BLNK: variants seen among roughly 807,000 people sequenced by gnomAD.
The protein encoded by BLNK is B cell linker.
A neutral mutation model predicts 73.5 loss-of-function variants in BLNK; 29 were observed. That is an observed-to-expected ratio of 0.39 (90% confidence interval 0.29 to 0.54). BLNK has a LOEUF of 0.54. Among genes scored for constraint, BLNK ranks in the 20% least tolerant of loss-of-function variants. The pLI is 0.61. For synonymous variants in BLNK, 176 were observed against 200.8 expected, an observed-to-expected ratio of 0.88 and a Z score of 1.04; for missense variants, 460 against 562.8, an observed-to-expected ratio of 0.82 and a Z score of 1.85.
chr10:96,234,276 G>T (rs1842618081), intron 3 of BLNK, among the ~76,000 whole-genome samples: 1 of 152,196 alleles, frequency 6.6e-6, no homozygotes, highest in Non-Finnish European at 1.5e-5. Context: ...GATAGAGGTT[G>T]TTTGTTGGTG....
At chr10:96,240,009 C>T (rs17111506) in intron 3 of BLNK, among the ~76,000 whole-genome samples, 8,399 of 152,118 alleles carry the variant, frequency 0.055, 788 homozygotes, top group African/African-American at 0.19. Flanking sequence ...CATTTGTCCC[C>T]GAATCCTCAA....
chr10:96,246,415 G>A (rs1843046404), intron 2 of BLNK, among the ~76,000 whole-genome samples: 1 of 152,192 alleles, frequency 6.6e-6, no homozygotes, highest in Non-Finnish European at 1.5e-5. Flanking sequence ...AGCCAGGTAT[G>A]CTGGCACGTG....
chr10:96,258,586 C>A (rs1386407966), intron 1 of BLNK, among the ~76,000 whole-genome samples: 1 of 152,130 alleles, frequency 6.6e-6, no homozygotes, highest in African/African-American at 2.4e-5. Context: ...AAGGCTTGAG[C>A]CCCCTGCTAG....
In BLNK at chr10:96,200,046, AAAATAAT is replaced by A; in HGVS notation, c.1095+22_1095+28del. ...CAAATAAATAAAATAAAATAAAATA[AAAATAAT>A]AAATAATAAAAATGATCAGACCTTG... On this transcript the variant is annotated intron_variant, in intron 15 of 16. Coordinates refer to ENST00000224337, the MANE Select transcript of BLNK (RefSeq NM_013314.4). This position sits in a 1 kb window ranked among gnomAD's most constrained non-coding sequence, Gnocchi z 4.3. 2.2e-6 allele frequency: 3 copies of A among 1,357,994 alleles called. No homozygotes were observed. The highest frequency in any genetic ancestry group is 2.9e-6 in the Non-Finnish European group (3 of 1,038,436). The allele number at this position is 1,357,994 out of a possible 1,614,324, so 84.1% of individuals were successfully genotyped here. A position where few individuals can be genotyped will look rare whatever the true frequency, so the allele number is the denominator to read the frequency against.
At chr10:96,228,227 G>A (rs973538838) in intron 4 of BLNK, among the ~76,000 whole-genome samples, 1 of 151,944 alleles carries the variant, frequency 6.6e-6, no homozygotes, top group Non-Finnish European at 1.5e-5. Flanking sequence ...AGTCTCCCAA[G>A]TAGCTGGGAT....
At chr10:96,196,275 C>G (rs973500233) in intron 16 of BLNK, among the ~76,000 whole-genome samples, 6 of 152,172 alleles carry the variant, frequency 3.9e-5, no homozygotes, top group African/African-American at 1.4e-4. Context: ...CATTTCTAGA[C>G]CATTCATGGG....
chr10:96,204,799 AC>A, intron 11 of BLNK, 183 bp from the exon 12 acceptor site: 1 of 608,706 alleles, frequency 1.6e-6, no homozygotes, highest in Non-Finnish European at 3.0e-6. Flanking sequence ...TGCTATGAGG[AC>A]CAGGACTCCC....
chr10:96,227,417 C>T lies in BLNK; in HGVS notation c.354G>A (p.Glu118=). The change falls in exon 5 of 17, where the codon GAG becomes GAA. Residue 118 remains glutamate, a synonymous_variant. Transcript: ENST00000224337. ...VHPALPFARG[E]YIDNRSSQRH... is the part of the protein sequence containing the mutation. The stretch of plus-strand genomic sequence containing the variant: ...GTCTGCGGGGGACCTCACCTATATA[C>T]TCGCCTCTGGCGAAGGGCAGGGCTG... The T allele has an allele frequency of 6.2e-7, 1 of 1,613,930 alleles. No individual in the cohort carries two copies. Among genetic ancestry groups the T allele is most frequent in the Non-Finnish European group, 8.5e-7 (1 of 1,180,040 alleles).
At chr10:96,201,712 A>C (rs1212908503) in intron 13 of BLNK, among the ~76,000 whole-genome samples, 1 of 115,698 alleles carries the variant, frequency 8.6e-6, no homozygotes, top group Admixed American at 8.1e-5. Flanking sequence ...ATGTGGAAAC[A>C]TGTGAAATAC....
chr10:96,255,491 T>A (rs1319213254), intron 1 of BLNK, among the ~76,000 whole-genome samples: 1 of 130,614 alleles, frequency 7.7e-6, no homozygotes, highest in Non-Finnish European at 1.6e-5. Flanking sequence ...GGTTTCAGGA[T>A]TTTTTTTTTT....
At chr10:96,247,170 G>T in intron 1 of BLNK, 121 bp from the exon 2 acceptor site, 2 of 656,368 alleles carry the variant, frequency 3.0e-6, no homozygotes, top group Non-Finnish European at 2.6e-6. Context: ...CCTCCAAATA[G>T]GATGAATTAT....
At chr10:96,250,446 A>AAG (rs56871307) in intron 1 of BLNK, among the ~76,000 whole-genome samples, 4,062 of 136,510 alleles carry the variant, frequency 0.03, 72 homozygotes, top group Non-Finnish European at 0.045. Flanking sequence ...GGAAGAGAGA[A>AAG]AGAGAGAGAG....
intron 2 of BLNK, among the ~76,000 whole-genome samples, chr10:96,244,726 G>A (rs1392606049): frequency 6.6e-6 from 1 of 152,144 alleles, no homozygotes; most frequent in Non-Finnish European, 1.5e-5. Context: ...AAGAAACATG[G>A]TTTGTCATGT....
intron 7 of BLNK, among the ~76,000 whole-genome samples, chr10:96,215,678 A>T (rs934280298): frequency 1.1e-4 from 16 of 152,138 alleles, no homozygotes; most frequent in African/African-American, 3.4e-4. Context: ...TTTGAATTTC[A>T]TTTGCCAAGT....
chr10:96,237,136 C>T (rs1554905231), intron 3 of BLNK, among the ~76,000 whole-genome samples: 1 of 152,152 alleles, frequency 6.6e-6, no homozygotes, highest in African/African-American at 2.4e-5. Flanking sequence ...TATAGCTCTC[C>T]CATGTCAGCG....
chr10:96,260,179 CAA>C (rs1843692523), intron 1 of BLNK, among the ~76,000 whole-genome samples: 1 of 152,058 alleles, frequency 6.6e-6, no homozygotes, highest in African/African-American at 2.4e-5. Context: ...TTGCAAAAAC[CAA>C]AAAAGTTAAG....
At chr10:96,196,822 C>A in intron 16 of BLNK, 86 bp downstream of exon 16, 1 of 1,338,804 alleles carries the variant, frequency 7.5e-7, no homozygotes. Context: ...TATCCTTTCT[C>A]CTCATCTCTA....
intron 1 of BLNK, among the ~76,000 whole-genome samples, chr10:96,268,998 G>A (rs936934954): frequency 2.0e-5 from 3 of 152,172 alleles, no homozygotes; most frequent in Non-Finnish European, 4.4e-5. Context: ...CAGGAGGCAA[G>A]TATTTCATCT....
intron 1 of BLNK, among the ~76,000 whole-genome samples, chr10:96,263,489 A>G (rs1554913498): frequency 6.6e-6 from 1 of 152,220 alleles, no homozygotes; most frequent in African/African-American, 2.4e-5. Flanking sequence ...ATAAGCATTG[A>G]AATAGCCATG....
Sources: allele counts gnomAD v4.1 joint callset (sites outside exome capture counted in the v4.1 genomes callset), GRCh38; gene constraint gnomAD v4.1.1; non-coding constraint Gnocchi (gnomAD v3.1); transcripts MANE v1.5; gene names NCBI Gene and HGNC (gene_info 2026-07-23, HGNC 2026-07-21).